The following SBF2 variants were observed in gnomAD, a reference collection of about 807,000 sequenced individuals.
SBF2 encodes SET binding factor 2, also known as myotubularin-related protein 13.
Under a neutral mutation model 225.2 loss-of-function variants are expected in SBF2, and 112 were observed. The ratio of observed to expected loss-of-function variants is 0.50; its 90% CI spans 0.43 to 0.58. The LOEUF (loss-of-function observed/expected upper bound fraction) is 0.58. SBF2 is among the 20% of genes least tolerant of loss of function. The probability of loss-of-function intolerance (pLI) is 0.00; values close to 1 mark genes in which losing one functional copy is unlikely to be tolerated. For missense variants in SBF2, 1,996 were observed against 2,206.2 expected (o/e 0.90, Z 1.91); for synonymous variants, 763 against 773.3 (o/e 0.99, Z 0.22).
intron 1 of SBF2, among the ~76,000 whole-genome samples, chr11:10,269,136 T>C (rs1254192528): frequency 6.6e-6 from 1 of 152,232 alleles, no homozygotes; most frequent in Non-Finnish European, 1.5e-5. Context: ...AAATGTTCTT[T>C]TGGCTTTCAG....
intron 1 of SBF2, among the ~76,000 whole-genome samples, chr11:10,242,670 C>A (rs1591293294): frequency 6.6e-6 from 1 of 151,872 alleles, no homozygotes; most frequent in East Asian, 1.9e-4. Context: ...CAAATGGTAG[C>A]CAAAAGAGAG....
chr11:10,194,603 C>T (rs61892573), intron 1 of SBF2, among the ~76,000 whole-genome samples: 15,045 of 152,112 alleles, frequency 0.099, 906 homozygotes, highest in Non-Finnish European at 0.11. Flanking sequence ...CTCCGCTTCC[C>T]GAGTTCAAGC....
intron 2 of SBF2, among the ~76,000 whole-genome samples, chr11:10,125,658 A>T (rs1420838980): frequency 6.6e-6 from 1 of 152,198 alleles, no homozygotes; most frequent in Admixed American, 6.5e-5. Context: ...AGTTGTTTGA[A>T]CTAAGAAGTT....
At chr11:10,268,052 T>C (rs921298479) in intron 1 of SBF2, among the ~76,000 whole-genome samples, 1 of 152,176 alleles carries the variant, frequency 6.6e-6, no homozygotes, top group South Asian at 2.1e-4. Context: ...GAAGACCGCG[T>C]AGGACAAGTA....
chr11:9,828,291 T>A, intron 28 of SBF2: 2 of 1,262,782 alleles, frequency 1.6e-6, no homozygotes, highest in Non-Finnish European at 2.1e-6. Context: ...GACAAAAAGT[T>A]ATCTTCAGGT....
chr11:9,787,185 C>T (rs985737638), intron 36 of SBF2, among the ~76,000 whole-genome samples: 2 of 152,210 alleles, frequency 1.3e-5, no homozygotes, highest in Admixed American at 1.3e-4. Context: ...TGAGCCACCG[C>T]ACCCGGCCGT....
At chr11:9,946,107 G>A (rs182205193) in intron 16 of SBF2, among the ~76,000 whole-genome samples, 3 of 152,196 alleles carry the variant, frequency 2.0e-5, no homozygotes, top group Non-Finnish European at 2.9e-5. Context: ...AATATAAATC[G>A]TTCTACCAAA....
intron 16 of SBF2, among the ~76,000 whole-genome samples, chr11:9,919,150 A>G (rs1318119555): frequency 6.6e-6 from 1 of 152,034 alleles, no homozygotes; most frequent in Admixed American, 6.6e-5. Context: ...TCAGTTCGTA[A>G]TTCCTAGACA....
chr11:10,111,296 A>C (rs1952827187), intron 2 of SBF2, among the ~76,000 whole-genome samples: 1 of 152,212 alleles, frequency 6.6e-6, no homozygotes, highest in African/African-American at 2.4e-5. Flanking sequence ...TTTTATAAAT[A>C]ATTACTTTTT....
At chr11:10,174,150 A>C (rs1404149729) in intron 2 of SBF2, among the ~76,000 whole-genome samples, 1 of 152,164 alleles carries the variant, frequency 6.6e-6, no homozygotes, top group Non-Finnish European at 1.5e-5. Context: ...AACGGAACAA[A>C]GCTGGACGGA....
At chr11:10,031,617 A>T (rs1949263239) in intron 3 of SBF2, among the ~76,000 whole-genome samples, 1 of 152,246 alleles carries the variant, frequency 6.6e-6, no homozygotes, top group African/African-American at 2.4e-5. Context: ...TACTTGTCTC[A>T]ATGTCTCAAA....
In SBF2 at chr11:9,818,375, A is replaced by G. The variant is rs1372447396; in HGVS notation, c.3794-1351T>C. Among the ~76,000 whole-genome samples, 30 of 152,248 alleles carry G rather than the reference A, an allele frequency of 2.0e-4. 2 individuals carry two copies. The highest frequency in any genetic ancestry group is 2.0e-3 in the Admixed American group (30 of 15,284). On this transcript the variant is annotated intron_variant, in intron 28 of 39. Coordinates refer to ENST00000256190, the MANE Select transcript of SBF2 (RefSeq NM_030962.4). ...TATGCAAGTGAGACTATTAAATATC[A>G]AACATCCAGACACAAAGGCATGTAC...
At chr11:10,185,086 C>CT (rs1296749062) in intron 2 of SBF2, among the ~76,000 whole-genome samples, 1 of 151,318 alleles carries the variant, frequency 6.6e-6, no homozygotes, top group African/African-American at 2.4e-5. Context: ...AATTTTCTTC[C>CT]TTTTTAAGGC....
intron 17 of SBF2, among the ~76,000 whole-genome samples, chr11:9,876,742 T>C (rs1430158367): frequency 6.6e-6 from 1 of 152,048 alleles, no homozygotes; most frequent in African/African-American, 2.4e-5. Context: ...AAGTAGAACT[T>C]TGTTGTTGTT....
chr11:9,811,160 G>A (rs1287595577), intron 30 of SBF2: 1 of 152,204 alleles, frequency 6.6e-6, no homozygotes, highest in East Asian at 1.9e-4. Flanking sequence ...TGGACACAAA[G>A]AAAGGAATAG....
chr11:10,247,557 G>C (rs940110728), intron 1 of SBF2, among the ~76,000 whole-genome samples: 19 of 151,690 alleles, frequency 1.3e-4, no homozygotes, highest in African/African-American at 3.9e-4. Context: ...AGCCAGGCGT[G>C]GTGGCAGTCA....
intron 6 of SBF2, among the ~76,000 whole-genome samples, chr11:10,026,588 AT>A (rs890659474): frequency 2.6e-4 from 40 of 152,216 alleles, no homozygotes; most frequent in African/African-American, 9.4e-4. Context: ...AATTAAAAAA[AT>A]TAACTGGGTA....
At chr11:10,143,215 A>G (rs577496809) in intron 2 of SBF2, among the ~76,000 whole-genome samples, 5 of 151,920 alleles carry the variant, frequency 3.3e-5, no homozygotes, top group Non-Finnish European at 5.9e-5. Context: ...CCTGTTGCCC[A>G]GGCGGGAGTG....
chr11:10,210,923 G>C (rs983531998), intron 1 of SBF2, among the ~76,000 whole-genome samples: 5 of 146,564 alleles, frequency 3.4e-5, no homozygotes, highest in Non-Finnish European at 7.4e-5. Context: ...TAAGGCAGGA[G>C]AATCGTTTGA....
Sources: gnomAD v4.1 joint callset for allele counts (sites outside exome capture counted in the v4.1 genomes callset) on GRCh38, gnomAD v4.1.1 for gene constraint, MANE v1.5 for transcripts, NCBI Gene and HGNC (gene_info 2026-07-23, HGNC 2026-07-21) for gene names.